Variants in ATP12A observed in about 807,000 individuals in gnomAD.
ATP12A encodes the protein ATPase H+/K+ transporting non-gastric alpha2 subunit, also known as potassium-transporting ATPase alpha chain 2.
Under a neutral mutation model 111.2 loss-of-function variants are expected in ATP12A, and 81 were observed. The observed-to-expected ratio is 0.73, with a 90% CI of 0.61 to 0.88. The LOEUF is 0.88. Ranked by LOEUF, ATP12A falls within the 40% of genes least tolerant of loss-of-function variation. ATP12A has a pLI of 0.00. For missense variants in ATP12A, 1,196 were observed against 1,313.1 expected, an observed-to-expected ratio of 0.91 and a Z score of 1.38; for synonymous variants, 498 against 499.8, an observed-to-expected ratio of 1.00 and a Z score of 0.05.
intron 18 of ATP12A, 39 bp downstream of exon 18, chr13:24,709,526 T>C: frequency 6.2e-7 from 1 of 1,604,832 alleles, no homozygotes; most frequent in Non-Finnish European, 8.5e-7. Context: ...CACGAGGGCC[T>C]GCCCCGAGAA....
intron 11 of ATP12A, among the ~76,000 whole-genome samples, chr13:24,694,896 C>T (rs1035901869): frequency 2.0e-5 from 3 of 152,038 alleles, no homozygotes; most frequent in East Asian, 1.9e-4. Context: ...CTCACACCAC[C>T]ACTATCAGGT....
At position 24,680,717 on chromosome 13, in the gene ATP12A, C is replaced by T. The variant is rs1874397256; in HGVS notation, c.-27C>T. ...CGGTCCCGGATCCGCGCTCCACGCC[C>T]GCAGCCCGCGGCGCCACCAGCCCAG... On this transcript the variant is annotated 5_prime_UTR_variant, in exon 1 of 23. Coordinates refer to ENST00000381946, the MANE Select transcript of ATP12A (RefSeq NM_001676.7). 1 of 1,501,778 alleles carries T rather than the reference C, an allele frequency of 6.7e-7. No homozygotes were observed. Among genetic ancestry groups the T allele is most frequent in the African/African-American group, 1.5e-5 (1 of 68,892 alleles). The allele number at this position is 1,501,778 out of a possible 1,614,324, so 93.0% of individuals were successfully genotyped here. A position where few individuals can be genotyped will look rare whatever the true frequency, so the allele number is the denominator to read the frequency against.
chr13:24,703,273 C>G (rs1422333849), intron 14 of ATP12A, among the ~76,000 whole-genome samples: 1 of 152,222 alleles, frequency 6.6e-6, no homozygotes, highest in African/African-American at 2.4e-5. Context: ...GACAGAGTCT[C>G]TCTCTGTCAC....
chr13:24,707,170 A>G lies in ATP12A; in HGVS notation c.2317A>G (p.Ile773Val), dbSNP rs753446608. ...CTTGCTGGACGACAACTTCGCATCC[A>G]TCGTCACAGGGGTGGAGGAAGGTGA... ...MVLLDDNFAS[I>V]VTGVEEGRLI... is the part of the protein sequence containing the mutation. The change falls in exon 16 of 23, where the codon ATC (isoleucine) becomes GTC (valine). Residue 773 changes from isoleucine to valine, a missense_variant. Coordinates refer to ENST00000381946, the MANE Select transcript of ATP12A (RefSeq NM_001676.7). The G allele has an allele frequency of 6.8e-6, 11 of 1,613,892 alleles. No individual in the cohort carries two copies. The highest frequency in any genetic ancestry group is 1.3e-5 in the African/African-American group (1 of 74,938).
At chr13:24,697,210 T>C (rs1225951680) in intron 11 of ATP12A, among the ~76,000 whole-genome samples, 1 of 152,150 alleles carries the variant, frequency 6.6e-6, no homozygotes, top group East Asian at 1.9e-4. Flanking sequence ...AAGGGAATAA[T>C]AATAGTACCC....
At chr13:24,698,553 G>A in intron 11 of ATP12A, 105 bp from the exon 12 acceptor site, 1 of 1,234,726 alleles carries the variant, frequency 8.1e-7, no homozygotes. Context: ...AACATGCTGA[G>A]GATGCCATTG....
chr13:24,680,588 G>T lies in ATP12A; in HGVS notation c.-156G>T, dbSNP rs1448283287. ...CAGCGGCTGGCGATCGGCCGCGGAG[G>T]TGCGTGCAGGGCCCGCGCCGCCGCC... On this transcript the variant is annotated 5_prime_UTR_variant, in exon 1 of 23. Coordinates refer to ENST00000381946, the MANE Select transcript of ATP12A (RefSeq NM_001676.7). 5.2e-6 allele frequency: 4 copies of T among 775,202 alleles called. No individual in the cohort carries two copies. The highest frequency in any genetic ancestry group is 1.8e-5 in the African/African-American group (1 of 54,084). 48.0% of individuals were successfully genotyped at this position (775,202 alleles called of 1,614,324 possible). A position where few individuals can be genotyped will look rare whatever the true frequency, so the allele number is the denominator to read the frequency against.
chr13:24,696,939 G>C (rs937922983), intron 11 of ATP12A, among the ~76,000 whole-genome samples: 1 of 152,188 alleles, frequency 6.6e-6, no homozygotes, highest in African/African-American at 2.4e-5. Flanking sequence ...TGATTAGAAT[G>C]GTGATGCCCC....
In ATP12A at chr13:24,708,953, GAA is replaced by G. The variant is rs1555255704; in HGVS notation, c.2494-409_2494-408del. ...AGAAAGAAAGAAAGAAAGAAAGAAA[GAA>G]AGAAAGAAGGAAAGAGAAAGAGAAA... On this transcript the variant is annotated intron_variant, in intron 17 of 22. Transcript: ENST00000381946. 2.2e-5 allele frequency among the ~76,000 whole-genome samples: 3 copies of G among 137,468 alleles called. No individual in the cohort carries two copies. In the East Asian group the frequency reaches 6.4e-4, roughly 29 times the overall value. The allele number at this position is 137,468 out of a possible 152,430, so 90.2% of individuals were successfully genotyped here.
chr13:24,688,243 C>T (rs1051628015), intron 3 of ATP12A, 76 bp from the exon 4 acceptor site: 8 of 1,494,670 alleles, frequency 5.4e-6, no homozygotes, highest in Admixed American at 4.1e-5. Flanking sequence ...AAATATGCAG[C>T]CCAACCCCTG....
chr13:24,685,169 GTTCTTTCTCTCCTGTC>G lies in ATP12A; in HGVS notation c.169-144_169-129del. The G allele has an allele frequency of 1.4e-6, 1 of 722,328 alleles. No individual in the cohort carries two copies. Among genetic ancestry groups the G allele is most frequent in the Non-Finnish European group, 2.4e-6 (1 of 418,052 alleles). 44.7% of individuals were successfully genotyped at this position (722,328 alleles called of 1,614,324 possible). A position where few individuals can be genotyped will look rare whatever the true frequency, so the allele number is the denominator to read the frequency against. On this transcript the variant is annotated intron_variant, in intron 2 of 22. Coordinates refer to ENST00000381946, the MANE Select transcript of ATP12A (RefSeq NM_001676.7). This position sits in a 1 kb window ranked among gnomAD's most constrained non-coding sequence, Gnocchi z 5.5. ...CGCTGGGCAGCTGCCTGGCACAGGGGTTCTTTCTCTCCTGTCCCCCACACTCCTCGATCCCCTCCCA... is the reference window on the plus strand; with the variant it reads ...CGCTGGGCAGCTGCCTGGCACAGGGGCCCCACACTCCTCGATCCCCTCCCA...
chr13:24,680,763 C>T lies in ATP12A; in HGVS notation c.9+11C>T. 1 of 1,488,020 alleles carries T rather than the reference C, an allele frequency of 6.7e-7. No individual in the cohort carries two copies. The highest frequency in any genetic ancestry group is 2.2e-5 in the Admixed American group (1 of 44,740). The allele number at this position is 1,488,020 out of a possible 1,614,324, so 92.2% of individuals were successfully genotyped here. On this transcript the variant is annotated intron_variant, in intron 1 of 22. Coordinates refer to ENST00000381946, the MANE Select transcript of ATP12A (RefSeq NM_001676.7). ...CCCAGCATGCACCAGGTGCGTGCAG[C>T]CCCCGCGCCGGCCGAGGATGCGAGA...
chr13:24,694,114 A>C (rs911244688), intron 10 of ATP12A, among the ~76,000 whole-genome samples: 6 of 152,086 alleles, frequency 3.9e-5, no homozygotes, highest in African/African-American at 1.4e-4. Context: ...CCTGCCCCTC[A>C]TGCCCCTGCA....
At chr13:24,692,720 G>T in intron 9 of ATP12A, 67 bp from the exon 10 acceptor site, 1 of 1,599,562 alleles carries the variant, frequency 6.3e-7, no homozygotes, top group Non-Finnish European at 8.6e-7. Flanking sequence ...CCAGAGGATT[G>T]CTGGACAGTG....
rs1874782801 is a variant in ATP12A, at chr13:24,689,334, A to C, written c.505A>C (p.Ser169Arg). 2 of 1,614,132 alleles carry C rather than the reference A, an allele frequency of 1.2e-6. No individual in the cohort carries two copies. Among genetic ancestry groups the C allele is most frequent in the East Asian group, 4.5e-5 (2 of 44,872 alleles). The change falls in exon 5 of 23, where the codon AGC (serine) becomes CGC (arginine). Residue 169 changes from serine to arginine, a missense_variant. Ser to Arg is a moderately radical substitution (Grantham distance 110). Around this residue, in one of 3 missense-constraint regions of ATP12A, gnomAD observed 1,126 missense variants for 1,228.5 expected, o/e 0.92. Coordinates refer to ENST00000381946, the MANE Select transcript of ATP12A (RefSeq NM_001676.7). ...GIFAYYQEAK[S>R]TNIMSSFNKM... ...CTTTGCTTATTACCAAGAGGCAAAA[A>C]GCACCAACATCATGTCCAGCTTCAA... is the stretch of plus-strand genomic sequence containing the variant.
chr13:24,706,577 T>C, intron 15 of ATP12A, 114 bp downstream of exon 15: 2 of 1,421,446 alleles, frequency 1.4e-6, no homozygotes, highest in Non-Finnish European at 1.9e-6. Context: ...AAGAGAGAGT[T>C]CTTGGCTCAT....
intron 11 of ATP12A, 43 bp downstream of exon 11, chr13:24,694,621 A>G: frequency 1.2e-6 from 2 of 1,610,804 alleles, no homozygotes; most frequent in African/African-American, 1.3e-5. Context: ...CATCGGCAGC[A>G]TGACCTTTCT....
rs576313642 is a variant in ATP12A at position 24,691,010 on chromosome 13, G to C, written c.828G>C (p.Thr276=). Residue 276 remains threonine, a synonymous_variant, in exon 8 of 23, where the codon ACG becomes ACC. Transcript: ENST00000381946. ...CTGTCACCGGCATGGTTATCAACAC[G>C]GGTGACCGCACCATCATTGGCCATA... ...EGTVTGMVIN[T]GDRTIIGHIA... is the part of the protein sequence containing the mutation. The C allele has an allele frequency of 6.2e-7, 1 of 1,614,170 alleles. No homozygotes were observed. Among genetic ancestry groups the C allele is most frequent in the East Asian group, 2.2e-5 (1 of 44,872 alleles).
At chr13:24,706,918 T>C (rs1273804743) in intron 15 of ATP12A, 105 bp from the exon 16 acceptor site, 2 of 1,304,246 alleles carry the variant, frequency 1.5e-6, no homozygotes. Context: ...TCAGCTATAA[T>C]CATCCTCGCA....
Sources: gnomAD v4.1 joint callset for allele counts (sites outside exome capture counted in the v4.1 genomes callset) on GRCh38, gnomAD v4.1.1 for gene constraint, gnomAD v4.1.1 regional missense constraint, Gnocchi (gnomAD v3.1) non-coding constraint, MANE v1.5 for transcripts, NCBI Gene and HGNC (gene_info 2026-07-23, HGNC 2026-07-21) for gene names.